The following MAP3K5 variants were observed in gnomAD, a reference collection of about 807,000 sequenced individuals.
MAP3K5 encodes mitogen-activated protein kinase kinase kinase 5, also known as ASK-1.
MAP3K5 carries 56 observed loss-of-function variants against 158.7 expected under a neutral mutation model. The ratio of observed to expected loss-of-function variants is 0.35; its 90% CI spans 0.28 to 0.44. MAP3K5 has a LOEUF of 0.44. Ranked by LOEUF, MAP3K5 falls within the 20% of genes least tolerant of loss-of-function variation. The probability of loss-of-function intolerance (pLI) is 1.00; values close to 1 mark genes in which losing one functional copy is unlikely to be tolerated. For synonymous variants in MAP3K5, 579 were observed against 601.7 expected (o/e 0.96, Z 0.55); for missense variants, 1,294 against 1,674.8 (o/e 0.77, Z 3.97).
chr6:136,659,866 T>C (rs1276124273), intron 8 of MAP3K5, among the ~76,000 whole-genome samples: 1 of 152,248 alleles, frequency 6.6e-6, no homozygotes, highest in East Asian at 1.9e-4. Flanking sequence ...GAAATTTTTG[T>C]TACGTACATT....
At position 136,580,399 on chromosome 6, in the gene MAP3K5, T is replaced by G; in HGVS notation, c.3419A>C (p.Lys1140Thr). 6.2e-7 allele frequency: 1 copy of G among 1,608,254 alleles called. No homozygotes were observed. The highest frequency in any genetic ancestry group is 8.5e-7 in the Non-Finnish European group (1 of 1,174,764). Reference sequence around the variant, plus strand: ...CTTGATGTTATGATTCCGAAGAACTTTATTGACCTGGAGAGAGAGTGACAT... The same window carrying G: ...CTTGATGTTATGATTCCGAAGAACTGTATTGACCTGGAGAGAGAGTGACAT... ...VLFGFQDAVNKVLRNHNIKPH... is the reference protein window; with the variant it reads ...VLFGFQDAVNTVLRNHNIKPH... The change falls in exon 25 of 30, where the codon AAA (lysine) becomes ACA (threonine). Residue 1140 changes from lysine to threonine, a missense_variant. Coordinates refer to ENST00000359015, the MANE Select transcript of MAP3K5 (RefSeq NM_005923.4).
chr6:136,765,679 A>ATTTTTTTTTT (rs780589836), intron 1 of MAP3K5, among the ~76,000 whole-genome samples: 315 of 119,960 alleles, frequency 2.6e-3, no homozygotes, highest in Non-Finnish European at 3.4e-3. Flanking sequence ...TGCCTGGCTA[A>ATTTTTTTTTT]TTTTTTTTTT....
At chr6:136,723,389 C>G (rs1366263166) in intron 1 of MAP3K5, among the ~76,000 whole-genome samples, 1 of 151,826 alleles carries the variant, frequency 6.6e-6, no homozygotes, top group East Asian at 1.9e-4. Context: ...ATAATGTATA[C>G]ATTATAATGA....
intron 7 of MAP3K5, among the ~76,000 whole-genome samples, chr6:136,678,166 T>C (rs974303960): frequency 6.6e-6 from 1 of 152,186 alleles, no homozygotes; most frequent in Admixed American, 6.5e-5. Context: ...TATTTTTGTT[T>C]TTAATAAAAG....
At chr6:136,625,166 T>C (rs907380278) in intron 14 of MAP3K5, among the ~76,000 whole-genome samples, 21 of 152,170 alleles carry the variant, frequency 1.4e-4, no homozygotes, top group African/African-American at 5.1e-4. Context: ...AAAGGTCAGA[T>C]AGTGAATGTT....
At chr6:136,735,808 G>A (rs765699980) in intron 1 of MAP3K5, among the ~76,000 whole-genome samples, 4 of 152,050 alleles carry the variant, frequency 2.6e-5, no homozygotes, top group Non-Finnish European at 5.9e-5. Flanking sequence ...CAATCCGGGT[G>A]ACAGAGCACG....
intron 1 of MAP3K5, among the ~76,000 whole-genome samples, chr6:136,722,789 C>T (rs983173544): frequency 6.6e-6 from 1 of 150,384 alleles, no homozygotes; most frequent in Non-Finnish European, 1.5e-5. Context: ...TGGGCTCAAG[C>T]GATCCTTCAG....
chr6:136,720,464 G>A lies in MAP3K5; in HGVS notation c.574C>T (p.Leu192=). ...AAGGGAGGTACCTTCAGTGACTGCA[G>A]AGAGTCCGAGTTAGTATCACAGTAG... ...ILYCDTNSDS[L]QSLKEIICQK... is the part of the protein sequence containing the mutation. Residue 192 remains leucine, a synonymous_variant, in exon 2 of 30, where the codon CTG becomes TTG. Coordinates refer to ENST00000359015, the MANE Select transcript of MAP3K5 (RefSeq NM_005923.4). 6.2e-7 allele frequency: 1 copy of A among 1,606,662 alleles called. No homozygotes were observed. Among genetic ancestry groups the A allele is most frequent in the Non-Finnish European group, 8.5e-7 (1 of 1,176,454 alleles).
chr6:136,564,333 T>A (rs909762138), intron 26 of MAP3K5, among the ~76,000 whole-genome samples: 7 of 151,960 alleles, frequency 4.6e-5, no homozygotes, highest in African/African-American at 1.7e-4. Flanking sequence ...TAAAACACAA[T>A]AAGAGGTAGA....
At position 136,590,991 on chromosome 6, in the gene MAP3K5, A is replaced by G. The variant is rs186652070; in HGVS notation, c.3225+1182T>C. Among the ~76,000 whole-genome samples, 5 of 152,284 alleles carry G rather than the reference A, an allele frequency of 3.3e-5. No homozygotes were observed. In the East Asian group the frequency reaches 7.7e-4, roughly 24 times the overall value. ...GGACCAAGTGGGAGGTAACTGAATC[A>G]TGGGGGTGGGTCTTTCCTGTGATGT... On this transcript the variant is annotated intron_variant, in intron 23 of 29. Transcript: ENST00000359015.
intron 26 of MAP3K5, 108 bp downstream of exon 26, chr6:136,567,523 C>G (rs1220358592): frequency 9.5e-6 from 11 of 1,162,608 alleles, no homozygotes; most frequent in Non-Finnish European, 1.3e-5. Flanking sequence ...GGCATTCAAT[C>G]AAGTTTCCAT....
chr6:136,626,657 C>T (rs1220397912), intron 14 of MAP3K5, among the ~76,000 whole-genome samples: 1 of 152,116 alleles, frequency 6.6e-6, no homozygotes, highest in African/African-American at 2.4e-5. Context: ...ACCAGTGGGA[C>T]CCAGCCAGCA....
chr6:136,769,797 G>GGA (rs1562691194), intron 1 of MAP3K5, among the ~76,000 whole-genome samples: 7 of 29,326 alleles, frequency 2.4e-4, no homozygotes, highest in Admixed American at 1.2e-3. Context: ...GGAAGGAAGG[G>GGA]AGGGAGGGAG....
At chr6:136,642,005 TA>T (rs1305012069) in intron 12 of MAP3K5, among the ~76,000 whole-genome samples, 44 of 98,610 alleles carry the variant, frequency 4.5e-4, no homozygotes, top group African/African-American at 1.1e-3. Context: ...TAAAATAAAA[TA>T]AAATAAAATA....
At chr6:136,697,170 C>T (rs1283010781) in intron 5 of MAP3K5, 49 bp downstream of exon 5, 1 of 1,525,874 alleles carries the variant, frequency 6.6e-7, no homozygotes, top group Non-Finnish European at 8.9e-7. Flanking sequence ...ACTCCCTTAT[C>T]CCTCCAACAT....
At chr6:136,761,305 A>AAC (rs1554315408) in intron 1 of MAP3K5, among the ~76,000 whole-genome samples, 7 of 151,630 alleles carry the variant, frequency 4.6e-5, no homozygotes, top group Middle Eastern at 3.4e-3. Flanking sequence ...AAAAAAAAAA[A>AAC]AACGAACAGT....
At chr6:136,775,841 T>C (rs1268941867) in intron 1 of MAP3K5, among the ~76,000 whole-genome samples, 2 of 152,368 alleles carry the variant, frequency 1.3e-5, no homozygotes, top group East Asian at 3.9e-4. Flanking sequence ...GTACAATGCA[T>C]TCCCTTCTGG....
chr6:136,759,528 T>C (rs1294713750), intron 1 of MAP3K5, among the ~76,000 whole-genome samples: 1 of 146,020 alleles, frequency 6.8e-6, no homozygotes, highest in East Asian at 2.0e-4. Context: ...TGGAGTGTAG[T>C]GGCACAATCA....
chr6:136,648,329 C>T (rs540434185), intron 11 of MAP3K5, among the ~76,000 whole-genome samples: 10 of 152,178 alleles, frequency 6.6e-5, no homozygotes, highest in Non-Finnish European at 1.0e-4. Flanking sequence ...CCTTAAGTTA[C>T]CACAACCTAT....
Sources: gnomAD v4.1 joint callset for allele counts (sites outside exome capture counted in the v4.1 genomes callset) on GRCh38, gnomAD v4.1.1 for gene constraint, MANE v1.5 for transcripts, NCBI Gene and HGNC (gene_info 2026-07-23, HGNC 2026-07-21) for gene names.